The following EEF2KMT variants were observed in gnomAD, a reference collection of about 807,000 sequenced individuals.
The protein encoded by EEF2KMT is protein-lysine N-methyltransferase EEF2KMT.
In EEF2KMT, 30 loss-of-function variants were observed where a neutral mutation model predicts 35.1. The observed-to-expected ratio is 0.85, with a 90% CI of 0.64 to 1.16. EEF2KMT has a LOEUF of 1.16. Ranked by LOEUF, EEF2KMT falls within the 50% of genes most tolerant of loss-of-function variation. The pLI, the probability that EEF2KMT is intolerant of heterozygous loss-of-function variation, is 0.00. For synonymous variants in EEF2KMT, 190 were observed against 187.7 expected (o/e 1.01, Z -0.10); for missense variants, 499 against 438.2 (o/e 1.14, Z -1.24).
rs71390621 is a variant in EEF2KMT, at chr16:5,091,507, G to A, written c.342+287C>T. Among the ~76,000 whole-genome samples the A allele has an allele frequency of 0.077, 11,798 of 152,260 alleles. 482 individuals carry two copies. The highest frequency in any genetic ancestry group is 0.13 in the Middle Eastern group (39 of 294). On this transcript the variant is annotated intron_variant, in intron 4 of 7. Coordinates refer to ENST00000427587, the MANE Select transcript of EEF2KMT (RefSeq NM_201400.4). ...TGGGATTACAGGCGTGAGCCACCAC[G>A]CCCAGCCCTGTCAAGTATTCTTTGA...
At chr16:5,089,438 A>G in intron 6 of EEF2KMT, 182 bp from the exon 7 acceptor site, 2 of 838,390 alleles carry the variant, frequency 2.4e-6, no homozygotes, top group South Asian at 1.8e-5. Context: ...CCCTTAGTAG[A>G]GAAAGCTGCA....
intron 7 of EEF2KMT, among the ~76,000 whole-genome samples, chr16:5,088,765 G>T (rs1490404607): frequency 6.6e-6 from 1 of 152,132 alleles, no homozygotes; most frequent in African/African-American, 2.4e-5. Flanking sequence ...CGTCCTGCAG[G>T]CCACAGCTGT....
intron 1 of EEF2KMT, 32 bp from the exon 2 acceptor site, chr16:5,095,546 G>A: frequency 1.2e-6 from 2 of 1,610,718 alleles, no homozygotes. Context: ...AAATCTCAAG[G>A]GCGCATTCAC....
At chr16:5,092,021 T>C in intron 3 of EEF2KMT, 126 bp from the exon 4 acceptor site, 1 of 1,517,654 alleles carries the variant, frequency 6.6e-7, no homozygotes, top group Non-Finnish European at 8.9e-7. Flanking sequence ...AGCTGCCATA[T>C]AAAATATTCA....
At chr16:5,087,669 G>C (rs539961771) in intron 7 of EEF2KMT, among the ~76,000 whole-genome samples, 2 of 152,036 alleles carry the variant, frequency 1.3e-5, no homozygotes, top group East Asian at 3.9e-4. Context: ...GTGGTAGCAC[G>C]TGCCTGTAGT....
chr16:5,090,234 G>A lies in EEF2KMT; in HGVS notation c.592C>T (p.Arg198Ter), dbSNP rs777822364. 36 of 1,611,904 alleles carry A rather than the reference G, an allele frequency of 2.2e-5. No homozygotes were observed. Among genetic ancestry groups the A allele is most frequent in the East Asian group, 1.6e-4 (7 of 44,898 alleles). The part of the protein sequence containing the change: ...DCHSRVLEQL[R>*]GNVLLNGLSL... Reference sequence around the variant, plus strand: ...AGGCCATTGAGAAGGACATTCCCTCGGAGCTGCTCAAGGACCCGGCTGTGA... The same window carrying A: ...AGGCCATTGAGAAGGACATTCCCTCAGAGCTGCTCAAGGACCCGGCTGTGA... Residue 198 changes from arginine to a stop codon, truncating the protein, a stop_gained, in exon 6 of 8, where the codon CGA becomes TGA. Transcript: ENST00000427587. LOFTEE classifies it high-confidence loss of function. The surrounding 1 kb of genome is among the most constrained non-coding windows in gnomAD (Gnocchi z 4.1).
chr16:5,090,657 A>G lies in EEF2KMT; in HGVS notation c.343-92T>C, dbSNP rs144082449. ...GCCCCACCACATGGCTGAATAAACC[A>G]TGACAGGACCAATCGCCACTCAGCA... is the stretch of plus-strand genomic sequence containing the variant. On this transcript the variant is annotated intron_variant, in intron 4 of 7. Coordinates refer to ENST00000427587, the MANE Select transcript of EEF2KMT (RefSeq NM_201400.4). The surrounding 1 kb of genome is among the most constrained non-coding windows in gnomAD (Gnocchi z 4.1). The G allele has an allele frequency of 1.0e-3, 1,601 of 1,529,588 alleles. 13 individuals carry two copies. The African/African-American group carries it at 0.017, about 16-fold the overall frequency. 94.8% of individuals were successfully genotyped at this position (1,529,588 alleles called of 1,614,324 possible).
intron 7 of EEF2KMT, among the ~76,000 whole-genome samples, chr16:5,088,295 G>A (rs1005850204): frequency 2.0e-5 from 3 of 152,268 alleles, no homozygotes; most frequent in Admixed American, 2.0e-4. Context: ...GTACGTCTTC[G>A]TGTGCTGGCT....
rs563539911 is a variant in EEF2KMT, at chr16:5,093,634, A to G, written c.160-70T>C. On this transcript the variant is annotated intron_variant, in intron 2 of 7. Coordinates refer to ENST00000427587, the MANE Select transcript of EEF2KMT (RefSeq NM_201400.4). ...AGTCTCCTATGAGCTTCAAGCCAAC[A>G]CAGCAGAGGGCAAACTCCAGGCTAC... 45 of 1,607,130 alleles carry G rather than the reference A, an allele frequency of 2.8e-5. 2 individuals are homozygous for G. In the South Asian group the frequency reaches 5.0e-4, roughly 18 times the overall value.
chr16:5,095,160 A>C (rs770497300), intron 2 of EEF2KMT, among the ~76,000 whole-genome samples: 12 of 152,228 alleles, frequency 7.9e-5, no homozygotes, highest in Non-Finnish European at 1.5e-5. Flanking sequence ...GCTGTTTTGC[A>C]CCTGTCATCT....
chr16:5,095,091 C>T (rs1339662336), intron 2 of EEF2KMT, among the ~76,000 whole-genome samples: 6 of 152,216 alleles, frequency 3.9e-5, no homozygotes, highest in Admixed American at 1.3e-4. Flanking sequence ...CAGGAGTGGG[C>T]AGGACAGGCC....
At chr16:5,089,495 T>TAAGGA (rs1957294796) in intron 6 of EEF2KMT, 2 of 617,668 alleles carry the variant, frequency 3.2e-6, no homozygotes, top group African/African-American at 3.7e-5. Flanking sequence ...CTGGTGTTCC[T>TAAGGA]TAAAAAACCA....
intron 1 of EEF2KMT, 55 bp downstream of exon 1, chr16:5,097,589 C>T: frequency 6.5e-7 from 1 of 1,529,848 alleles, no homozygotes; most frequent in Non-Finnish European, 8.7e-7. Flanking sequence ...CCCGTCCCGT[C>T]TGCCCCTGGA....
At position 5,090,221 on chromosome 16, in the gene EEF2KMT, A is replaced by G. The variant is rs1957311643; in HGVS notation, c.605T>C (p.Leu202Pro). The G allele has an allele frequency of 2.5e-6, 4 of 1,611,900 alleles. No individual in the cohort carries two copies. In the East Asian group the frequency reaches 8.9e-5, roughly 36 times the overall value. The change falls in exon 6 of 8, where the codon CTT becomes CCT. Residue 202 changes from leucine (L) to proline (P), a missense_variant. Leu to Pro is a moderately conservative substitution (Grantham distance 98, BLOSUM62 -3). Coordinates refer to ENST00000427587, the MANE Select transcript of EEF2KMT (RefSeq NM_201400.4). The surrounding 1 kb of genome is among the most constrained non-coding windows in gnomAD (Gnocchi z 4.1). ...RVLEQLRGNVLLNGLSLEADI... is the reference protein window; with the variant it reads ...RVLEQLRGNVPLNGLSLEADI... ...TGCCTCTAATGAGAGGCCATTGAGA[A>G]GGACATTCCCTCGGAGCTGCTCAAG...
At chr16:5,093,209 G>A (rs1156314359) in intron 3 of EEF2KMT, among the ~76,000 whole-genome samples, 1 of 152,204 alleles carries the variant, frequency 6.6e-6, no homozygotes, top group Admixed American at 6.5e-5. Context: ...GGCCAGCCTG[G>A]TAGGAATGAG....
At chr16:5,091,124 C>G (rs1365152858) in intron 4 of EEF2KMT, among the ~76,000 whole-genome samples, 1 of 152,092 alleles carries the variant, frequency 6.6e-6, no homozygotes, top group Non-Finnish European at 1.5e-5. Context: ...TCTCGTTGCC[C>G]AGGCTGGAGT....
chr16:5,092,218 G>A (rs1391475535), intron 3 of EEF2KMT, among the ~76,000 whole-genome samples: 3 of 152,170 alleles, frequency 2.0e-5, no homozygotes, highest in Non-Finnish European at 4.4e-5. Context: ...TGGGAGGGTA[G>A]GGTTAGGTGT....
intron 7 of EEF2KMT, among the ~76,000 whole-genome samples, chr16:5,088,169 TG>T (rs2142752910): frequency 6.6e-6 from 1 of 152,252 alleles, no homozygotes; most frequent in African/African-American, 2.4e-5. Flanking sequence ...CTTGAACACC[TG>T]GGGTCAAGTA....
At position 5,087,830 on chromosome 16, in the gene EEF2KMT, G is replaced by A. The variant is rs1026087989; in HGVS notation, c.892+1277C>T. Among the ~76,000 whole-genome samples, 5 of 150,444 alleles carry A rather than the reference G, an allele frequency of 3.3e-5. No individual in the cohort carries two copies. In the South Asian group the frequency reaches 6.3e-4, roughly 19 times the overall value. On this transcript the variant is annotated intron_variant, in intron 7 of 7. Transcript: ENST00000427587. ...AAAAAAAAAAAAAAAAAGGTGGGTG[G>A]GGGCTTATACTATGTGTGCTGCTTG... is the stretch of plus-strand genomic sequence containing the variant.
Sources: allele counts gnomAD v4.1 joint callset (sites outside exome capture counted in the v4.1 genomes callset), GRCh38; gene constraint gnomAD v4.1.1; non-coding constraint Gnocchi (gnomAD v3.1); transcripts MANE v1.5; gene names NCBI Gene and HGNC (gene_info 2026-07-23, HGNC 2026-07-21).